CNIH3: variants seen among roughly 807,000 people sequenced by gnomAD.
CNIH3 encodes the protein protein cornichon homolog 3.
A neutral mutation model predicts 24.1 loss-of-function variants in CNIH3; 14 were observed. The observed-to-expected ratio is 0.58, with a 90% confidence interval of 0.38 to 0.91. CNIH3 has a LOEUF of 0.91. Ranked by LOEUF, CNIH3 falls within the 40% of genes least tolerant of loss-of-function variation. The pLI is 0.00. For synonymous variants in CNIH3, 68 were observed against 73.8 expected (o/e 0.92, Z 0.40); for missense variants, 178 against 196.8 (o/e 0.90, Z 0.57).
intron 3 of CNIH3, among the ~76,000 whole-genome samples, chr1:224,559,496 T>G (rs897398097): frequency 6.6e-6 from 1 of 152,086 alleles, no homozygotes; most frequent in African/African-American, 2.4e-5. Context: ...TTCCAAGTAG[T>G]TAGAACTACA....
intron 1 of CNIH3, among the ~76,000 whole-genome samples, chr1:224,465,417 T>C (rs912466808): frequency 2.0e-5 from 3 of 152,228 alleles, no homozygotes; most frequent in Non-Finnish European, 4.4e-5. Context: ...CTGGTTAGAA[T>C]TATCTTTAAC....
chr1:224,447,285 G>A (rs968991831), intron 1 of CNIH3, among the ~76,000 whole-genome samples: 8 of 152,174 alleles, frequency 5.3e-5, no homozygotes, highest in African/African-American at 1.9e-4. Context: ...AGAACCTAGG[G>A]GGCTGCTGGT....
intron 1 of CNIH3, among the ~76,000 whole-genome samples, chr1:224,623,266 C>T (rs959607758): frequency 6.6e-6 from 1 of 152,172 alleles, no homozygotes; most frequent in African/African-American, 2.4e-5. Context: ...GGATTTACTT[C>T]CTCCTCTGTG....
At chr1:224,609,581 T>C (rs1025663631) in intron 3 of CNIH3, among the ~76,000 whole-genome samples, 3 of 152,198 alleles carry the variant, frequency 2.0e-5, no homozygotes, top group Non-Finnish European at 4.4e-5. Context: ...TAACTTGATA[T>C]ATCATACCAG....
chr1:224,497,393 TTTATG>T (rs1476313824), intron 1 of CNIH3, among the ~76,000 whole-genome samples: 4 of 152,186 alleles, frequency 2.6e-5, no homozygotes, highest in Non-Finnish European at 4.4e-5. Context: ...AATGATAGAT[TTTATG>T]TTATGTGAAT....
intron 1 of CNIH3, among the ~76,000 whole-genome samples, chr1:224,678,441 G>A (rs1349365027): frequency 2.0e-5 from 3 of 152,172 alleles, no homozygotes; most frequent in Non-Finnish European, 4.4e-5. Context: ...TGAATCAAGT[G>A]TTTAGTACCG....
chr1:224,485,553 C>T (rs531294421), intron 1 of CNIH3, among the ~76,000 whole-genome samples: 9 of 152,118 alleles, frequency 5.9e-5, no homozygotes, highest in African/African-American at 1.4e-4. Flanking sequence ...AGTGCAGTGG[C>T]GTGATCATTG....
At chr1:224,451,382 A>G (rs745420852) in intron 1 of CNIH3, among the ~76,000 whole-genome samples, 2 of 152,180 alleles carry the variant, frequency 1.3e-5, no homozygotes, top group Non-Finnish European at 2.9e-5. Context: ...CTAGAGATCC[A>G]TACTTTTTTT....
At chr1:224,634,585 TAAAA>T (rs66630557) in intron 1 of CNIH3, among the ~76,000 whole-genome samples, 2 of 65,116 alleles carry the variant, frequency 3.1e-5, no homozygotes, top group African/African-American at 8.5e-5. Context: ...AAAAAAAAAA[TAAAA>T]AAAAAAAGGT....
chr1:224,732,863 T>C (rs995511846), intron 4 of CNIH3, among the ~76,000 whole-genome samples: 4 of 152,174 alleles, frequency 2.6e-5, no homozygotes, highest in African/African-American at 7.2e-5. Flanking sequence ...TCCTTGCCAA[T>C]AGGGACTTTG....
At chr1:224,640,329 C>A (rs1448290863) in intron 1 of CNIH3, among the ~76,000 whole-genome samples, 1 of 152,238 alleles carries the variant, frequency 6.6e-6, no homozygotes, top group African/African-American at 2.4e-5. Context: ...AACAGAACAG[C>A]CCCTTTCAGC....
chr1:224,563,612 T>A (rs1030010464), intron 3 of CNIH3, among the ~76,000 whole-genome samples: 11 of 152,118 alleles, frequency 7.2e-5, no homozygotes, highest in Non-Finnish European at 1.2e-4. Flanking sequence ...AAGATTGGCA[T>A]CCATTAGCCT....
At chr1:224,579,067 C>CT (rs60330387) in intron 4 of CNIH3, among the ~76,000 whole-genome samples, 244 of 138,908 alleles carry the variant, frequency 1.8e-3, no homozygotes, top group African/African-American at 4.4e-3. Context: ...TTTCTTTTTT[C>CT]TTTTTTTTTT....
intron 1 of CNIH3, among the ~76,000 whole-genome samples, chr1:224,647,650 A>T (rs954722611): frequency 1.3e-5 from 2 of 152,220 alleles, no homozygotes; most frequent in African/African-American, 4.8e-5. Context: ...ACTTGGGAGA[A>T]TGTGTGTTAA....
chr1:224,518,009 A>G (rs6699035), intron 1 of CNIH3, among the ~76,000 whole-genome samples: 34,341 of 151,992 alleles, frequency 0.23, 4,253 homozygotes, highest in African/African-American at 0.33. Context: ...AAGCGGCAGG[A>G]CAGCATGCTT....
intron 2 of CNIH3, among the ~76,000 whole-genome samples, chr1:224,524,751 C>T (rs1477769981): frequency 6.6e-6 from 1 of 152,128 alleles, no homozygotes; most frequent in Non-Finnish European, 1.5e-5. Flanking sequence ...CAATTTCTTC[C>T]TCTTATGATA....
intron 1 of CNIH3, among the ~76,000 whole-genome samples, chr1:224,463,774 T>TTTATTTA (rs1491399776): frequency 6.8e-4 from 7 of 10,258 alleles, no homozygotes; most frequent in Admixed American, 1.8e-3. Flanking sequence ...ATTGTCCTCA[T>TTTATTTA]TTTTTTTTTT....
intron 1 of CNIH3, among the ~76,000 whole-genome samples, chr1:224,664,175 G>A (rs999352695): frequency 2.0e-5 from 3 of 152,184 alleles, no homozygotes; most frequent in African/African-American, 7.2e-5. Context: ...GGAGAGGTAT[G>A]GAGCAATCAT....
chr1:224,558,299 G>A (rs1009248044), intron 3 of CNIH3, among the ~76,000 whole-genome samples: 2 of 152,150 alleles, frequency 1.3e-5, no homozygotes, highest in African/African-American at 4.8e-5. Context: ...GGTTCCAAGA[G>A]GACTAGAGCA....
Sources: gnomAD v4.1 joint callset for allele counts (sites outside exome capture counted in the v4.1 genomes callset) on GRCh38, gnomAD v4.1.1 for gene constraint, MANE v1.5 for transcripts, NCBI Gene and HGNC (gene_info 2026-07-23, HGNC 2026-07-21) for gene names.